The following BMX variants were observed in gnomAD, a reference collection of about 807,000 sequenced individuals.
BMX encodes the protein BMX non-receptor tyrosine kinase, also known as cytoplasmic tyrosine-protein kinase BMX.
Under a neutral mutation model 59.2 loss-of-function variants are expected in BMX, and 31 were observed. That is an observed-to-expected ratio of 0.52 (90% CI 0.39 to 0.71). The LOEUF is 0.71. BMX is among the 30% of genes least tolerant of loss of function. BMX has a pLI of 0.00. For synonymous variants in BMX, 185 were observed against 181.0 expected (o/e 1.02, Z -0.18); for missense variants, 474 against 491.7 (o/e 0.96, Z 0.34).
At chrX:15,526,176 A>T (rs992211454) in intron 9 of BMX, 81 bp downstream of exon 9, 15 of 908,100 alleles carry the variant, frequency 1.7e-5, no homozygotes, top group Non-Finnish European at 2.3e-5. Flanking sequence ...ATTAAAACAG[A>T]TGGCTGAGAC....
chrX:15,528,591 G>A (rs1924909908), intron 9 of BMX, among the ~76,000 whole-genome samples: 1 of 110,732 alleles, frequency 9.0e-6, no homozygotes, highest in Non-Finnish European at 1.9e-5. Flanking sequence ...CCGGGAGGTC[G>A]AGGCTGTAGT....
At chrX:15,550,935 T>C (rs972788341) in intron 18 of BMX, among the ~76,000 whole-genome samples, 1 of 111,135 alleles carries the variant, frequency 9.0e-6, no homozygotes, top group Non-Finnish European at 1.9e-5. Context: ...TTCCTAAGTA[T>C]GTGAGTGGAG....
At chrX:15,547,294 C>T (rs1925989875) in intron 17 of BMX, among the ~76,000 whole-genome samples, 1 of 111,768 alleles carries the variant, frequency 8.9e-6, no homozygotes, top group African/African-American at 3.3e-5. Flanking sequence ...GTGAAGATTT[C>T]AAATAATTTT....
In BMX at chrX:15,517,943, A is replaced by G; in HGVS notation, c.460A>G (p.Thr154Ala). ...TLWEAYANLH[T>A]AVNEEKHRVP... ...TTAATGTTCAGATGCTAATCTGCAT[A>G]CTGCAGTCAATGAAGAGAAACACAG... The change falls in exon 6 of 19, where the codon ACT (threonine) becomes GCT (alanine). Residue 154 changes from threonine (T) to alanine (A), a missense_variant. Thr to Ala is a moderately conservative substitution (Grantham distance 58). Coordinates refer to ENST00000348343, the MANE Select transcript of BMX (RefSeq NM_203281.3). 8.3e-7 allele frequency: 1 copy of G among 1,205,089 alleles called. No homozygotes were observed. The highest frequency in any genetic ancestry group is 1.7e-5 in the African/African-American group (1 of 57,718).
At chrX:15,514,223 G>A (rs1053044671) in intron 4 of BMX, among the ~76,000 whole-genome samples, 10 of 111,967 alleles carry the variant, frequency 8.9e-5, no homozygotes, top group African/African-American at 2.9e-4. Flanking sequence ...AGAAACTTAC[G>A]TTTTATAATT....
chrX:15,555,739 ATTCTTT>A (rs746808805), intron 18 of BMX, among the ~76,000 whole-genome samples: 395 of 111,679 alleles, frequency 3.5e-3, no homozygotes, highest in Non-Finnish European at 6.4e-3. Flanking sequence ...GAATTCCTTT[ATTCTTT>A]AAGTCTGTTC....
chrX:15,549,296 C>T (rs1490096142), intron 17 of BMX, among the ~76,000 whole-genome samples: 3 of 111,870 alleles, frequency 2.7e-5, no homozygotes, highest in Non-Finnish European at 5.6e-5. Flanking sequence ...GGGTGCCTGG[C>T]CCATATGAGA....
At chrX:15,511,703 T>C (rs1484960947) in intron 4 of BMX, among the ~76,000 whole-genome samples, 185 bp downstream of exon 4, 1 of 111,370 alleles carries the variant, frequency 9.0e-6, no homozygotes, top group African/African-American at 3.3e-5. Context: ...GCTTTCTCAT[T>C]GTTACATACA....
At chrX:15,539,762 G>A (rs1327441498) in intron 14 of BMX, among the ~76,000 whole-genome samples, 1 of 112,366 alleles carries the variant, frequency 8.9e-6, no homozygotes, top group Admixed American at 9.4e-5. Flanking sequence ...AAGTTAATGA[G>A]CTTGTAAAAA....
intron 3 of BMX, 122 bp downstream of exon 3, chrX:15,509,555 T>G: frequency 2.0e-6 from 1 of 503,688 alleles, no homozygotes; most frequent in Non-Finnish European, 3.0e-6. Context: ...GCTTGGAATA[T>G]TCCCACATGG....
In BMX at chrX:15,544,729, G is replaced by T. The variant is rs769151768; in HGVS notation, c.1676+1594G>T. ...TAGCTTGAAGGAAGGTTTAAGCCAT[G>T]AGCATCCCCAAACCAGGAGTGCCAG... is the stretch of plus-strand genomic sequence containing the variant. On this transcript the variant is annotated intron_variant, in intron 16 of 18. Coordinates refer to ENST00000348343, the MANE Select transcript of BMX (RefSeq NM_203281.3). 8.1e-5 allele frequency among the ~76,000 whole-genome samples: 9 copies of T among 111,529 alleles called. No individual in the cohort carries two copies. In the South Asian group the frequency reaches 3.4e-3, roughly 42 times the overall value.
In BMX at chrX:15,505,442, C is replaced by T. The variant is rs143555654; in HGVS notation, c.-9-2903C>T. On this transcript the variant is annotated intron_variant, in intron 1 of 18. Coordinates refer to ENST00000348343, the MANE Select transcript of BMX (RefSeq NM_203281.3). ...CGTGTGGCTTCAGGTGTTTGTTACA[C>T]GAGAACAACATATTACGGACTCAAG... Among the ~76,000 whole-genome samples, 396 of 111,685 alleles carry T rather than the reference C, an allele frequency of 3.5e-3. 2 individuals carry two copies. The highest frequency in any genetic ancestry group is 0.012 in the African/African-American group (381 of 30,721).
chrX:15,517,890 T>C (rs1471368453), intron 5 of BMX, 39 bp from the exon 6 acceptor site: 9 of 1,123,555 alleles, frequency 8.0e-6, no homozygotes, highest in Admixed American at 2.3e-5. Context: ...TTTGTTTTGT[T>C]TAAAGTTCCT....
chrX:15,544,031 C>G (rs1417252638), intron 16 of BMX, among the ~76,000 whole-genome samples: 2 of 111,082 alleles, frequency 1.8e-5, no homozygotes, highest in East Asian at 5.6e-4. Flanking sequence ...ACAGTTTAGT[C>G]TAGAGGGCAA....
chrX:15,513,343 C>G (rs1312070742), intron 4 of BMX, among the ~76,000 whole-genome samples: 4 of 111,925 alleles, frequency 3.6e-5, no homozygotes, highest in Non-Finnish European at 7.5e-5. Context: ...TCATCCAGAA[C>G]TATATCTGAT....
chrX:15,527,281 T>TACACAC (rs1215452618), intron 9 of BMX, among the ~76,000 whole-genome samples: 36 of 54,411 alleles, frequency 6.6e-4, no homozygotes, highest in African/African-American at 2.9e-3. Context: ...TATATATATA[T>TACACAC]ATACACACAC....
chrX:15,548,330 G>A (rs753928893), intron 17 of BMX, among the ~76,000 whole-genome samples: 1 of 110,654 alleles, frequency 9.0e-6, no homozygotes, highest in Non-Finnish European at 1.9e-5. Context: ...GGTGGTGCGC[G>A]CCTGTAACCC....
rs1474913393 is a variant in BMX, at chrX:15,522,567, G to A, written c.732G>A (p.Trp244Ter). 9 of 1,210,429 alleles carry A rather than the reference G, an allele frequency of 7.4e-6. No individual in the cohort carries two copies. Among genetic ancestry groups the A allele is most frequent in the Non-Finnish European group, 1.0e-5 (9 of 895,236 alleles). ...YIPREDFPDWWQVRKLKSSSS... is the reference protein window; with the variant it reads ...YIPREDFPDW ...CAAGGGAAGACTTCCCTGACTGGTG[G>A]CAAGTAAGAAAACTGAAAAGGTAAT... Residue 244 changes from tryptophan (W) to a stop codon, truncating the protein, a stop_gained, in exon 7 of 19, where the codon TGG (tryptophan) becomes TGA (stop). Coordinates refer to ENST00000348343, the MANE Select transcript of BMX (RefSeq NM_203281.3). LOFTEE classifies it high-confidence loss of function.
chrX:15,521,740 G>A (rs1203728108), intron 6 of BMX, among the ~76,000 whole-genome samples: 2 of 111,081 alleles, frequency 1.8e-5, no homozygotes, highest in Non-Finnish European at 3.8e-5. Context: ...TTTTATAAAG[G>A]CCATTTTGAT....
Sources: allele counts gnomAD v4.1 joint callset (sites outside exome capture counted in the v4.1 genomes callset), GRCh38; gene constraint gnomAD v4.1.1; transcripts MANE v1.5; gene names NCBI Gene and HGNC (gene_info 2026-07-23, HGNC 2026-07-21).